The following TMEM178B variants were observed in gnomAD, a reference collection of about 807,000 sequenced individuals.
The protein encoded by TMEM178B is transmembrane protein 178B.
Under a neutral mutation model 31.0 loss-of-function variants are expected in TMEM178B, and 5 were observed. The ratio of observed to expected loss-of-function variants is 0.16; its 90% CI spans 0.08 to 0.34. The LOEUF (loss-of-function observed/expected upper bound fraction) is 0.34. TMEM178B is among the 10% of genes least tolerant of loss of function. The pLI, the probability that TMEM178B is intolerant of heterozygous loss-of-function variation, is 1.00. For synonymous variants in TMEM178B, 164 were observed against 164.0 expected, an observed-to-expected ratio of 1.00 and a Z score of 0.00; for missense variants, 275 against 400.3, an observed-to-expected ratio of 0.69 and a Z score of 2.67.
At chr7:141,079,962 A>G (rs1231041692) in intron 1 of TMEM178B, among the ~76,000 whole-genome samples, 4 of 152,198 alleles carry the variant, frequency 2.6e-5, no homozygotes. Flanking sequence ...CTCACCCACC[A>G]CACTCTACCA....
At chr7:141,230,154 A>T (rs1306985305) in intron 2 of TMEM178B, among the ~76,000 whole-genome samples, 2 of 152,204 alleles carry the variant, frequency 1.3e-5, no homozygotes, top group Non-Finnish European at 2.9e-5. Context: ...CCATTATAAT[A>T]ATGTTATAAT....
chr7:141,481,029 A>C (rs1354904864), downstream of TMEM178B, among the ~76,000 whole-genome samples: 1 of 152,244 alleles, frequency 6.6e-6, no homozygotes, highest in African/African-American at 2.4e-5. Flanking sequence ...GAAATCAAGA[A>C]GAAACGCGTG....
chr7:141,176,026 G>A (rs1369444147), intron 1 of TMEM178B, among the ~76,000 whole-genome samples: 1 of 152,130 alleles, frequency 6.6e-6, no homozygotes, highest in Non-Finnish European at 1.5e-5. Flanking sequence ...GGGCATCCTT[G>A]TTTTGTGCTG....
rs141399886 is a variant in TMEM178B at position 141,454,057 on chromosome 7, A to G, written c.634+16312A>G. 4.6e-5 allele frequency among the ~76,000 whole-genome samples: 7 copies of G among 152,206 alleles called. No homozygotes were observed. The East Asian group carries it at 1.4e-3, about 29-fold the overall frequency. Reference sequence around the variant, plus strand: ...TCCCATTGCCACCCTAGCAAAACCTAAGAATCTCTTCTTGAAGTTTCTGCC... The same window carrying G: ...TCCCATTGCCACCCTAGCAAAACCTGAGAATCTCTTCTTGAAGTTTCTGCC... On this transcript the variant is annotated intron_variant, in intron 3 of 3. Transcript: ENST00000565468.
intron 2 of TMEM178B, among the ~76,000 whole-genome samples, chr7:141,374,668 T>C (rs1464604609): frequency 6.6e-6 from 1 of 152,204 alleles, no homozygotes; most frequent in Non-Finnish European, 1.5e-5. Context: ...ATGTGACAAT[T>C]ACTTAAGCAT....
At chr7:141,094,067 G>A (rs890533628) in intron 1 of TMEM178B, among the ~76,000 whole-genome samples, 1 of 152,154 alleles carries the variant, frequency 6.6e-6, no homozygotes, top group Non-Finnish European at 1.5e-5. Flanking sequence ...GTAGGCTGAT[G>A]GGAATGGTTC....
At chr7:141,450,291 A>T (rs917911575) in intron 3 of TMEM178B, among the ~76,000 whole-genome samples, 5 of 152,192 alleles carry the variant, frequency 3.3e-5, no homozygotes, top group Non-Finnish European at 7.3e-5. Context: ...AACATGCCCA[A>T]TGCTTGTTAT....
At chr7:141,217,139 A>G (rs1272756165) in intron 2 of TMEM178B, among the ~76,000 whole-genome samples, 1 of 152,176 alleles carries the variant, frequency 6.6e-6, no homozygotes, top group Non-Finnish European at 1.5e-5. Context: ...ATGTCTTTAT[A>G]TGCTTTTCAT....
At chr7:141,082,615 G>A (rs1174320825) in intron 1 of TMEM178B, among the ~76,000 whole-genome samples, 1 of 152,240 alleles carries the variant, frequency 6.6e-6, no homozygotes, top group African/African-American at 2.4e-5. Context: ...GATTCAAGAA[G>A]AAAACCTGTG....
rs1157756268 is a variant in TMEM178B, at chr7:141,212,796, G to A, written c.496+92G>A. The A allele has an allele frequency of 2.9e-6, 3 of 1,017,370 alleles. No homozygotes were observed. The East Asian group carries it at 7.8e-5, about 27-fold the overall frequency. The allele number at this position is 1,017,370 out of a possible 1,614,324, so 63.0% of individuals were successfully genotyped here. A position where few individuals can be genotyped will look rare whatever the true frequency, so the allele number is the denominator to read the frequency against. ...TTGGATGTGCCTCCTTCTGGGATCT[G>A]TGGATGGTCTCAGAACATTGAGATG... is the stretch of plus-strand genomic sequence containing the variant. On this transcript the variant is annotated intron_variant, in intron 2 of 3. Transcript: ENST00000565468.
chr7:141,325,814 C>A (rs1368200537), intron 2 of TMEM178B, among the ~76,000 whole-genome samples: 1 of 120,704 alleles, frequency 8.3e-6, no homozygotes, highest in Admixed American at 8.1e-5. Flanking sequence ...TCATGGAAGA[C>A]AGCCCTGGGA....
In TMEM178B at chr7:141,107,335, G is replaced by A. The variant is rs536212276; in HGVS notation, c.382+32643G>A. On this transcript the variant is annotated intron_variant, in intron 1 of 3. Transcript: ENST00000565468. ...ATATAATCTGCTTTATGTTTTTCAA[G>A]GATCATTCTGGGTACTGTGTTGACA... Among the ~76,000 whole-genome samples, 6 of 152,336 alleles carry A rather than the reference G, an allele frequency of 3.9e-5. No homozygotes were observed. In the East Asian group the frequency reaches 7.7e-4, roughly 20 times the overall value.
intron 3 of TMEM178B, among the ~76,000 whole-genome samples, chr7:141,455,483 A>T (rs781130095): frequency 1.3e-5 from 2 of 152,226 alleles, no homozygotes; most frequent in Non-Finnish European, 2.9e-5. Context: ...CTGGAGAGAC[A>T]ATCATACAGG....
At chr7:141,372,407 C>G (rs1800134826) in intron 2 of TMEM178B, among the ~76,000 whole-genome samples, 1 of 152,184 alleles carries the variant, frequency 6.6e-6, no homozygotes, top group Non-Finnish European at 1.5e-5. Flanking sequence ...CAGTTCCCTC[C>G]CTGCAGATTA....
chr7:141,201,390 G>A (rs1193939217), intron 1 of TMEM178B, among the ~76,000 whole-genome samples: 3 of 152,280 alleles, frequency 2.0e-5, no homozygotes, highest in Admixed American at 6.5e-5. Context: ...GTGTGGTTGG[G>A]GGAGCCGGGA....
Position 141,478,962 on chromosome 7 carries a change from GTCT to G in TMEM178B, c.*8177_*8179del, listed in dbSNP as rs1802423291. ...AGCACAGAGCTATGTCGAGGCTGCTGTCTCAGCCTCTGGAAGTTCTGCTTCACC... is the reference window on the plus strand; with the variant it reads ...AGCACAGAGCTATGTCGAGGCTGCTGCAGCCTCTGGAAGTTCTGCTTCACC... On this transcript the variant is annotated 3_prime_UTR_variant, in exon 4 of 4. Transcript: ENST00000565468. The G allele has an allele frequency of 2.0e-5, 3 of 152,228 alleles. No homozygotes were observed. Among genetic ancestry groups the G allele is most frequent in the Admixed American group, 6.5e-5 (1 of 15,280 alleles). The allele number at this position is 152,228 out of a possible 1,614,324, so 9.4% of individuals were successfully genotyped here. A position where few individuals can be genotyped will look rare whatever the true frequency, so the allele number is the denominator to read the frequency against.
intron 1 of TMEM178B, among the ~76,000 whole-genome samples, chr7:141,118,818 A>G (rs1795365018): frequency 6.6e-6 from 1 of 152,224 alleles, no homozygotes; most frequent in Non-Finnish European, 1.5e-5. Flanking sequence ...GTATGAAGGA[A>G]ACAACGGTGT....
At chr7:141,313,994 G>C (rs1798958290) in intron 2 of TMEM178B, among the ~76,000 whole-genome samples, 1 of 152,180 alleles carries the variant, frequency 6.6e-6, no homozygotes, top group South Asian at 2.1e-4. Context: ...AGTGAGATCT[G>C]AGAGCAATGA....
In TMEM178B at chr7:141,373,667, GGGCA is replaced by G. The variant is rs545641770; in HGVS notation, c.497-63937_497-63934del. 4.6e-3 allele frequency among the ~76,000 whole-genome samples: 703 copies of G among 152,258 alleles called. 1 individual carries two copies. The highest frequency in any genetic ancestry group is 0.016 in the African/African-American group (678 of 41,544). ...ACCCTCCACCCCCCCAACACACATTGGGCAGGCTGCTCCCGGGGAAGGGGCATTC... is the reference window on the plus strand; with the variant it reads ...ACCCTCCACCCCCCCAACACACATTGGGCTGCTCCCGGGGAAGGGGCATTC... On this transcript the variant is annotated intron_variant, in intron 2 of 3. Transcript: ENST00000565468.
Sources: gnomAD v4.1 joint callset for allele counts (sites outside exome capture counted in the v4.1 genomes callset) on GRCh38, gnomAD v4.1.1 for gene constraint, MANE v1.5 for transcripts, NCBI Gene and HGNC (gene_info 2026-07-23, HGNC 2026-07-21) for gene names.